Variants in UROC1 observed in about 807,000 individuals in gnomAD.
UROC1 encodes urocanate hydratase 1, also known as urocanate hydratase.
UROC1 carries 79 observed loss-of-function variants against 89.5 expected under a neutral mutation model. The observed-to-expected ratio is 0.88, with a 90% CI of 0.74 to 1.06. The LOEUF (loss-of-function observed/expected upper bound fraction) is 1.06, where lower values mean the gene tolerates loss of function less well. Ranked by LOEUF, UROC1 falls within the 50% of genes least tolerant of loss-of-function variation. UROC1 has a pLI of 0.00. For missense variants in UROC1, 885 were observed against 907.8 expected (o/e 0.97, Z 0.32); for synonymous variants, 361 against 354.8 (o/e 1.02, Z -0.20).
intron 13 of UROC1, among the ~76,000 whole-genome samples, chr3:126,498,888 C>G (rs923547168): frequency 2.0e-5 from 3 of 152,146 alleles, no homozygotes; most frequent in African/African-American, 7.2e-5. Context: ...CTCTGGCTCC[C>G]GCCCTCATCC....
rs1935904382 is a variant in UROC1 at position 126,500,892 on chromosome 3, T to C, written c.966-18A>G. Reference sequence around the variant, plus strand: ...GGCGCTCCCTGGGGAAGCCATGCGGTGGTCAGTGCAAGCCACACACAGCCT... The same window carrying C: ...GGCGCTCCCTGGGGAAGCCATGCGGCGGTCAGTGCAAGCCACACACAGCCT... On this transcript the variant is annotated intron_variant, in intron 10 of 19. Coordinates refer to ENST00000290868, the MANE Select transcript of UROC1 (RefSeq NM_144639.3). 1.2e-6 allele frequency: 2 copies of C among 1,612,762 alleles called. No homozygotes were observed. The highest frequency in any genetic ancestry group is 2.7e-5 in the African/African-American group (2 of 74,878).
chr3:126,498,936 C>A (rs1935845540), intron 13 of UROC1, among the ~76,000 whole-genome samples: 2 of 152,250 alleles, frequency 1.3e-5, no homozygotes, highest in South Asian at 4.1e-4. Flanking sequence ...CCTAGACCTG[C>A]ACCCCCATGG....
At position 126,489,374 on chromosome 3, in the gene UROC1, G is replaced by A. The variant is rs371222476; in HGVS notation, c.1610C>T (p.Ala537Val). ...NQAIACRRIK[A>V]PVVLSRDHHD... ...GTGATCTCGGCTCAGGACCACCGGC[G>A]CCTGTGCATGGAAGGACAGAAGCTG... The change falls in exon 17 of 20, where the codon GCG (alanine) becomes GTG (valine). Residue 537 changes from alanine to valine, a missense_variant and splice_region_variant. Ala to Val is a moderately conservative substitution (Grantham distance 64, BLOSUM62 0). Coordinates refer to ENST00000290868, the MANE Select transcript of UROC1 (RefSeq NM_144639.3). The A allele has an allele frequency of 2.0e-5, 33 of 1,611,120 alleles. No individual in the cohort carries two copies. In the African/African-American group the frequency reaches 2.4e-4, roughly 12 times the overall value.
intron 15 of UROC1, 28 bp downstream of exon 15, chr3:126,496,010 C>T (rs1935766692): frequency 1.2e-6 from 2 of 1,609,110 alleles, no homozygotes; most frequent in Admixed American, 1.7e-5. Context: ...CACAGCCACC[C>T]CAGCCTCCCC....
At chr3:126,502,713 T>C (rs1015071588) in intron 9 of UROC1, among the ~76,000 whole-genome samples, 5 of 151,686 alleles carry the variant, frequency 3.3e-5, no homozygotes, top group Non-Finnish European at 5.9e-5. Context: ...TCTATGTATG[T>C]GTTGTGTGTT....
intron 9 of UROC1, among the ~76,000 whole-genome samples, chr3:126,502,807 GTGTA>G (rs1935966150): frequency 6.6e-6 from 1 of 151,352 alleles, no homozygotes; most frequent in African/African-American, 2.4e-5. Flanking sequence ...TGTGTTCTCT[GTGTA>G]TGTGTGCTTA....
Position 126,482,164 on chromosome 3 carries a change from C to T in UROC1, c.*181G>A. 1 of 815,096 alleles carries T rather than the reference C, an allele frequency of 1.2e-6. No homozygotes were observed. The highest frequency in any genetic ancestry group is 1.9e-6 in the Non-Finnish European group (1 of 521,746). The allele number at this position is 815,096 out of a possible 1,614,324, so 50.5% of individuals were successfully genotyped here. A position where few individuals can be genotyped will look rare whatever the true frequency, so the allele number is the denominator to read the frequency against. The stretch of plus-strand genomic sequence containing the variant: ...GACAGAGAGCTGCATGTCTCTGGGC[C>T]TCAGGGGGCTGTCTGTAAAATGAGG... On this transcript the variant is annotated 3_prime_UTR_variant, in exon 20 of 20. Transcript: ENST00000290868.
intron 1 of UROC1, among the ~76,000 whole-genome samples, chr3:126,512,257 G>A (rs962009269): frequency 6.6e-6 from 1 of 152,236 alleles, no homozygotes. Flanking sequence ...CCTCAGCAGA[G>A]GAGGAGTTTC....
chr3:126,481,990 G>C lies in UROC1; in HGVS notation c.*355C>G. On this transcript the variant is annotated 3_prime_UTR_variant, in exon 20 of 20. Coordinates refer to ENST00000290868, the MANE Select transcript of UROC1 (RefSeq NM_144639.3). ...AGACAGACAGAGTTGCATGGAGGCT[G>C]GCAGGTGGCCAGGAAGCAGAGGGTG... is the stretch of plus-strand genomic sequence containing the variant. 3.0e-6 allele frequency: 1 copy of C among 329,562 alleles called. No individual in the cohort carries two copies. The highest frequency in any genetic ancestry group is 3.3e-5 in the South Asian group (1 of 30,112). The allele number at this position is 329,562 out of a possible 1,614,324, so 20.4% of individuals were successfully genotyped here. A position where few individuals can be genotyped will look rare whatever the true frequency, so the allele number is the denominator to read the frequency against.
intron 1 of UROC1, among the ~76,000 whole-genome samples, chr3:126,512,359 G>A (rs1181578019): frequency 6.6e-6 from 1 of 152,250 alleles, no homozygotes; most frequent in Non-Finnish European, 1.5e-5. Context: ...GGGCACTGCG[G>A]CACTGCGGCA....
Position 126,488,188 on chromosome 3 carries a change from A to G in UROC1, c.1790+10T>C, listed in dbSNP as rs750898020. On this transcript the variant is annotated intron_variant, in intron 18 of 19. Coordinates refer to ENST00000290868, the MANE Select transcript of UROC1 (RefSeq NM_144639.3). ...ATCAGCCCACACCCTGTCCTCTGAA[A>G]CCTTCTTACCAGCCCACGCCCCCTC... 3 of 1,614,126 alleles carry G rather than the reference A, an allele frequency of 1.9e-6. No homozygotes were observed. In the East Asian group the frequency reaches 6.7e-5, roughly 36 times the overall value.
Position 126,508,392 on chromosome 3 carries a change from A to T in UROC1, c.411+24T>A. On this transcript the variant is annotated intron_variant, in intron 4 of 19. Transcript: ENST00000290868. ...ACTAGAGGAAAGGCCAGGGGTGGGG[A>T]CGAGGCCACACGGTGTGCAGTACCT... 6 of 1,612,074 alleles carry T rather than the reference A, an allele frequency of 3.7e-6. No individual in the cohort carries two copies. In the South Asian group the frequency reaches 6.6e-5, roughly 18 times the overall value.
intron 15 of UROC1, among the ~76,000 whole-genome samples, 185 bp from the exon 16 acceptor site, chr3:126,492,701 C>T (rs986327610): frequency 5.9e-5 from 9 of 152,228 alleles, no homozygotes; most frequent in Non-Finnish European, 1.3e-4. Flanking sequence ...CTGAGGTGAG[C>T]CCCCACATTC....
intron 16 of UROC1, among the ~76,000 whole-genome samples, chr3:126,489,928 C>T (rs1039922950): frequency 6.6e-5 from 10 of 152,136 alleles, no homozygotes; most frequent in South Asian, 2.1e-4. Flanking sequence ...TTGTTAAGTC[C>T]GAGTGTCCAC....
chr3:126,488,748 C>T (rs992324640), intron 17 of UROC1, among the ~76,000 whole-genome samples: 25 of 152,214 alleles, frequency 1.6e-4, no homozygotes, highest in African/African-American at 5.5e-4. Flanking sequence ...CAGAGAGAAA[C>T]AGAGCCCAAG....
At chr3:126,517,516 G>A in intron 1 of UROC1, 78 bp downstream of exon 1, 2 of 1,609,978 alleles carry the variant, frequency 1.2e-6, no homozygotes, top group African/African-American at 1.3e-5. Flanking sequence ...AAGAGGGCAG[G>A]AAGCCTGGGT....
Position 126,510,841 on chromosome 3 carries a change from C to G in UROC1, c.127-47G>C, listed in dbSNP as rs770730545. ...GCAGTCGGGGCTGGGACTCCAGGCC[C>G]GGTGTTCTGAGGCCCCGCGATGGGC... On this transcript the variant is annotated intron_variant, in intron 1 of 19. Coordinates refer to ENST00000290868, the MANE Select transcript of UROC1 (RefSeq NM_144639.3). 1.1e-5 allele frequency: 18 copies of G among 1,601,644 alleles called. 1 individual carries two copies. Among genetic ancestry groups the G allele is most frequent in the South Asian group, 1.1e-4 (10 of 90,690 alleles).
chr3:126,513,378 G>A (rs1936234202), intron 1 of UROC1, among the ~76,000 whole-genome samples: 1 of 152,220 alleles, frequency 6.6e-6, no homozygotes, highest in African/African-American at 2.4e-5. Context: ...CCAGCTCTAG[G>A]CCGAGGATAC....
intron 3 of UROC1, among the ~76,000 whole-genome samples, chr3:126,508,837 G>A (rs1161757888): frequency 6.6e-6 from 1 of 152,074 alleles, no homozygotes; most frequent in African/African-American, 2.4e-5. Flanking sequence ...AGGAATGCAG[G>A]GACACACCCC....
Sources: gnomAD v4.1 joint callset for allele counts (sites outside exome capture counted in the v4.1 genomes callset) on GRCh38, gnomAD v4.1.1 for gene constraint, MANE v1.5 for transcripts, NCBI Gene and HGNC (gene_info 2026-07-23, HGNC 2026-07-21) for gene names.